CSNK1G1: variants seen among roughly 807,000 people sequenced by gnomAD.
CSNK1G1 encodes casein kinase 1 gamma 1, also known as casein kinase I isoform gamma-1.
Under a neutral mutation model 59.6 loss-of-function variants are expected in CSNK1G1, and 22 were observed. The observed-to-expected ratio is 0.37, with a 90% confidence interval of 0.26 to 0.53. The LOEUF (loss-of-function observed/expected upper bound fraction) is 0.53. Ranked by LOEUF, CSNK1G1 falls within the 20% of genes least tolerant of loss-of-function variation. The pLI is 0.89. For missense variants in CSNK1G1, 384 were observed against 519.5 expected (o/e 0.74, Z 2.54); for synonymous variants, 179 against 177.1 (o/e 1.01, Z -0.08).
chr15:64,332,096 C>A (rs893402041), intron 1 of CSNK1G1, among the ~76,000 whole-genome samples: 4 of 141,488 alleles, frequency 2.8e-5, no homozygotes, highest in African/African-American at 1.1e-4. Flanking sequence ...CTAGTTCAAC[C>A]ATTGTGGAAG....
At chr15:64,245,042 G>C (rs62021601) in intron 4 of CSNK1G1, among the ~76,000 whole-genome samples, 1 of 151,950 alleles carries the variant, frequency 6.6e-6, no homozygotes, top group African/African-American at 2.4e-5. Context: ...GGGAAAGGAT[G>C]GTCTGTTTAG....
chr15:64,292,138 A>C (rs1894775744), intron 2 of CSNK1G1, among the ~76,000 whole-genome samples: 1 of 150,872 alleles, frequency 6.6e-6, no homozygotes, highest in African/African-American at 2.4e-5. Flanking sequence ...TGAACCTGGG[A>C]GGCGGAGCTT....
At chr15:64,203,007 A>G (rs762320542) in intron 10 of CSNK1G1, 75 bp downstream of exon 10, 169 of 1,032,452 alleles carry the variant, frequency 1.6e-4, no homozygotes, top group Non-Finnish European at 2.4e-4. Flanking sequence ...TAAAGCGGAG[A>G]AGCTGAAGAA....
intron 10 of CSNK1G1, among the ~76,000 whole-genome samples, chr15:64,197,233 A>C (rs2082050140): frequency 6.6e-6 from 1 of 152,230 alleles, no homozygotes; most frequent in South Asian, 2.1e-4. Flanking sequence ...TAAGTATGAG[A>C]CTAAACAGTT....
chr15:64,280,643 G>A (rs1463699922), intron 2 of CSNK1G1, among the ~76,000 whole-genome samples: 1 of 151,884 alleles, frequency 6.6e-6, no homozygotes, highest in Non-Finnish European at 1.5e-5. Flanking sequence ...TTACAGGCGT[G>A]AGCCACTGCG....
At chr15:64,329,271 G>A (rs961649706) in intron 1 of CSNK1G1, among the ~76,000 whole-genome samples, 102 of 151,756 alleles carry the variant, frequency 6.7e-4, no homozygotes, top group African/African-American at 2.4e-3. Context: ...CACATAGTTG[G>A]AAGTAAAACT....
intron 7 of CSNK1G1, among the ~76,000 whole-genome samples, chr15:64,206,289 A>G (rs947155697): frequency 8.1e-4 from 123 of 152,234 alleles, no homozygotes; most frequent in African/African-American, 2.8e-3. Context: ...AAAATACAAA[A>G]ATTAGCCGGG....
At chr15:64,355,531 G>A (rs1898606301) in intron 1 of CSNK1G1, among the ~76,000 whole-genome samples, 1 of 152,200 alleles carries the variant, frequency 6.6e-6, no homozygotes, top group Non-Finnish European at 1.5e-5. Flanking sequence ...GGCTCCCCGC[G>A]GTACCCAGTC....
chr15:64,336,626 T>C (rs1897402051), intron 1 of CSNK1G1, among the ~76,000 whole-genome samples: 1 of 152,102 alleles, frequency 6.6e-6, no homozygotes, highest in Middle Eastern at 3.4e-3. Flanking sequence ...TAATTTTTGA[T>C]CTGAAAATGT....
chr15:64,300,223 T>G lies in CSNK1G1; in HGVS notation c.181+96A>C, dbSNP rs199821459. On this transcript the variant is annotated intron_variant, in intron 2 of 11. Coordinates refer to ENST00000303052, the MANE Select transcript of CSNK1G1 (RefSeq NM_022048.5). The stretch of plus-strand genomic sequence containing the variant: ...ACAACAGGTTCTCCTTAAGAAAAAT[T>G]TCTTGTAAAACTATAAACGGCTTGT... The G allele has an allele frequency of 4.5e-5, 55 of 1,223,064 alleles. No homozygotes were observed. In the East Asian group the frequency reaches 1.2e-3, roughly 28 times the overall value. 75.8% of individuals were successfully genotyped at this position (1,223,064 alleles called of 1,614,324 possible).
chr15:64,185,516 T>G (rs766810630), intron 10 of CSNK1G1, among the ~76,000 whole-genome samples: 1 of 152,080 alleles, frequency 6.6e-6, no homozygotes, highest in Non-Finnish European at 1.5e-5. Flanking sequence ...GTAGAGGAAG[T>G]TGCATGTTTC....
At chr15:64,198,767 A>T (rs1267037596) in intron 10 of CSNK1G1, among the ~76,000 whole-genome samples, 1 of 151,984 alleles carries the variant, frequency 6.6e-6, no homozygotes, top group Non-Finnish European at 1.5e-5. Flanking sequence ...AATCCTAAAG[A>T]TAGAAGAAAT....
intron 7 of CSNK1G1, among the ~76,000 whole-genome samples, chr15:64,206,846 C>G (rs62024572): frequency 0.19 from 28,343 of 152,144 alleles, 3,547 homozygotes; most frequent in African/African-American, 0.36. Flanking sequence ...GAAAAGCAAT[C>G]TTAAACCTGG....
chr15:64,305,664 C>T (rs576592691), intron 1 of CSNK1G1, among the ~76,000 whole-genome samples: 14 of 146,606 alleles, frequency 9.5e-5, no homozygotes, highest in African/African-American at 3.0e-4. Flanking sequence ...GGTTGCAGTG[C>T]GCTATGATAG....
At chr15:64,230,300 TG>T (rs1409534915) in intron 4 of CSNK1G1, among the ~76,000 whole-genome samples, 1 of 151,734 alleles carries the variant, frequency 6.6e-6, no homozygotes, top group Non-Finnish European at 1.5e-5. Context: ...TTGCCAGTTT[TG>T]GTTTTTTTTT....
rs1222286066 is a variant in CSNK1G1, at chr15:64,168,150, C to T, written c.*3781G>A. The T allele has an allele frequency of 6.6e-6, 1 of 152,668 alleles. No individual in the cohort carries two copies. Among genetic ancestry groups the T allele is most frequent in the Non-Finnish European group, 1.5e-5 (1 of 68,048 alleles). 9.5% of individuals were successfully genotyped at this position (152,668 alleles called of 1,614,324 possible). A position where few individuals can be genotyped will look rare whatever the true frequency, so the allele number is the denominator to read the frequency against. On this transcript the variant is annotated 3_prime_UTR_variant, in exon 12 of 12. Coordinates refer to ENST00000303052, the MANE Select transcript of CSNK1G1 (RefSeq NM_022048.5). ...AAGAGACAATCAACATGTCTAGAAA[C>T]CTCAGGATCTCTGCTGTCATCTGTA...
intron 2 of CSNK1G1, among the ~76,000 whole-genome samples, chr15:64,276,055 C>T (rs1380144896): frequency 6.6e-6 from 1 of 152,158 alleles, no homozygotes; most frequent in Non-Finnish European, 1.5e-5. Context: ...GAGAGTGCTT[C>T]TAACATCTGA....
At chr15:64,295,853 A>G (rs188428710) in intron 2 of CSNK1G1, among the ~76,000 whole-genome samples, 58 of 152,332 alleles carry the variant, frequency 3.8e-4, no homozygotes, top group African/African-American at 1.1e-3. Context: ...AAATGCTTTA[A>G]TATATGCAAA....
chr15:64,265,720 G>C (rs1195797157), intron 2 of CSNK1G1: 1 of 440,212 alleles, frequency 2.3e-6, no homozygotes, highest in East Asian at 7.1e-5. Context: ...ATCTCTACAA[G>C]GGAAACTATA....
Sources: gnomAD v4.1 joint callset for allele counts (sites outside exome capture counted in the v4.1 genomes callset) on GRCh38, gnomAD v4.1.1 for gene constraint, MANE v1.5 for transcripts, NCBI Gene and HGNC (gene_info 2026-07-23, HGNC 2026-07-21) for gene names.